Variants in DMD observed in about 807,000 individuals in gnomAD.
DMD encodes the protein mutant dystrophin.
A neutral mutation model predicts 330.1 loss-of-function variants in DMD; 63 were observed. That is an observed-to-expected ratio of 0.19 (90% CI 0.16 to 0.24). The LOEUF (loss-of-function observed/expected upper bound fraction) is 0.24, where lower values mean the gene tolerates loss of function less well. Among genes scored for constraint, DMD ranks in the 10% least tolerant of loss-of-function variants. The pLI is 1.00. For missense variants in DMD, 3,344 were observed against 2,684.1 expected, an observed-to-expected ratio of 1.25 and a Z score of -5.43; for synonymous variants, 1,223 against 959.8, an observed-to-expected ratio of 1.27 and a Z score of -5.07.
At chrX:31,350,626 TGTGTGTGAGAGAGA>T (rs769219240) in intron 60 of DMD, among the ~76,000 whole-genome samples, 115 of 48,267 alleles carry the variant, frequency 2.4e-3, no homozygotes, top group African/African-American at 9.3e-3. Context: ...TGTGTGTGTG[TGTGTGTGAGAGAGA>T]GAGAGAGAGA....
At chrX:31,445,577 G>A (rs66898423) in intron 59 of DMD, among the ~76,000 whole-genome samples, 6,439 of 111,392 alleles carry the variant, frequency 0.058, 282 homozygotes, top group African/African-American at 0.14. Flanking sequence ...TGCATACTTT[G>A]CACCAACCAC....
intron 55 of DMD, among the ~76,000 whole-genome samples, chrX:31,570,902 T>A (rs1400567930): frequency 8.9e-6 from 1 of 111,839 alleles, no homozygotes. Flanking sequence ...GATGTGACAA[T>A]GGTTAACCAT....
intron 12 of DMD, among the ~76,000 whole-genome samples, chrX:32,610,188 G>A (rs972003154): frequency 2.7e-5 from 3 of 110,760 alleles, no homozygotes; most frequent in African/African-American, 9.8e-5. Flanking sequence ...TGAGAGGTTC[G>A]ATTTGTTTAC....
At chrX:31,467,340 T>C (rs1401853427) in intron 59 of DMD, among the ~76,000 whole-genome samples, 1 of 111,701 alleles carries the variant, frequency 9.0e-6, no homozygotes, top group Non-Finnish European at 1.9e-5. Context: ...ATACGTTCCA[T>C]CAGTACCTAA....
chrX:33,163,539 AATATATATGTGTGTATATATATAT>A (rs2048877593), intron 1 of DMD, among the ~76,000 whole-genome samples: 1 of 99,026 alleles, frequency 1.0e-5, no homozygotes, highest in South Asian at 4.4e-4. Flanking sequence ...CCATCTCAAA[AATATATATGTGTGTATATATATAT>A]ATATATATAT....
chrX:31,694,420 A>C (rs1380245409), intron 52 of DMD, among the ~76,000 whole-genome samples: 2 of 109,063 alleles, frequency 1.8e-5, no homozygotes, highest in African/African-American at 6.7e-5. Context: ...AAAGCTTTGC[A>C]CAGCAAAGGA....
intron 7 of DMD, among the ~76,000 whole-genome samples, chrX:32,793,273 G>A (rs149147035): frequency 0.018 from 1,984 of 110,631 alleles, 45 homozygotes; most frequent in African/African-American, 0.062. Flanking sequence ...TAACACCTAC[G>A]GGATATGGCA....
intron 52 of DMD, among the ~76,000 whole-genome samples, chrX:31,726,094 T>C (rs1377233645): frequency 8.9e-6 from 1 of 112,211 alleles, no homozygotes; most frequent in Non-Finnish European, 1.9e-5. Context: ...ATTCGAATAT[T>C]AGAAAGAGGG....
chrX:33,090,850 A>G lies in DMD; in HGVS notation c.32-70650T>C, dbSNP rs761065868. The stretch of plus-strand genomic sequence containing the variant: ...AAAAAAAGCTTAAATCTTTCAGTCA[A>G]TGTTCATATATTATCCTCATAAGAA... On this transcript the variant is annotated intron_variant, in intron 1 of 78. Transcript: ENST00000357033. Among the ~76,000 whole-genome samples, 4 of 111,011 alleles carry G rather than the reference A, an allele frequency of 3.6e-5. No homozygotes were observed. The South Asian group carries it at 1.1e-3, about 31-fold the overall frequency.
chrX:33,005,627 A>G (rs1397080394), intron 2 of DMD, among the ~76,000 whole-genome samples: 1 of 109,776 alleles, frequency 9.1e-6, no homozygotes, highest in African/African-American at 3.3e-5. Context: ...AATATAAAAA[A>G]ATGAACAAAA....
chrX:33,135,508 T>G (rs1407324618), intron 1 of DMD, among the ~76,000 whole-genome samples: 1 of 112,452 alleles, frequency 8.9e-6, no homozygotes, highest in African/African-American at 3.2e-5. Flanking sequence ...TATATTTATA[T>G]GCAGACATAA....
At chrX:32,972,566 A>G (rs1308789252) in intron 2 of DMD, among the ~76,000 whole-genome samples, 3 of 112,154 alleles carry the variant, frequency 2.7e-5, no homozygotes, top group South Asian at 7.4e-4. Context: ...TTTATTGAAA[A>G]AAATTGATCA....
intron 11 of DMD, among the ~76,000 whole-genome samples, chrX:32,626,521 G>A (rs913909694): frequency 9.5e-6 from 1 of 105,015 alleles, no homozygotes; most frequent in Admixed American, 9.8e-5. Context: ...TAGCAAGGTG[G>A]TTCTTATAGA....
intron 1 of DMD, among the ~76,000 whole-genome samples, chrX:33,061,778 C>T (rs2094583820): frequency 9.0e-6 from 1 of 111,481 alleles, no homozygotes; most frequent in East Asian, 2.8e-4. Context: ...GTGGGAAACC[C>T]TGAGAATGGG....
chrX:31,208,402 T>C (rs1360399546), intron 65 of DMD, among the ~76,000 whole-genome samples: 3 of 112,155 alleles, frequency 2.7e-5, no homozygotes, highest in African/African-American at 9.7e-5. Context: ...AGAAGGAAGT[T>C]ATACATTCAG....
intron 1 of DMD, among the ~76,000 whole-genome samples, chrX:33,258,991 T>C (rs1283812935): frequency 9.0e-6 from 1 of 111,155 alleles, no homozygotes; most frequent in Non-Finnish European, 1.9e-5. Flanking sequence ...GTTAAATATA[T>C]GCAGAATGGG....
chrX:33,121,883 CTTTAT>C (rs1313251434), intron 1 of DMD, among the ~76,000 whole-genome samples: 3 of 111,870 alleles, frequency 2.7e-5, no homozygotes, highest in Admixed American at 9.5e-5. Flanking sequence ...ATGTGGTATA[CTTTAT>C]TTTTAGTTTG....
At chrX:31,268,505 C>T (rs1386289262) in intron 62 of DMD, among the ~76,000 whole-genome samples, 1 of 111,879 alleles carries the variant, frequency 8.9e-6, no homozygotes, top group Non-Finnish European at 1.9e-5. Context: ...CAATTTTAAG[C>T]TAGTGAGTTG....
intron 11 of DMD, among the ~76,000 whole-genome samples, chrX:32,630,323 AT>A (rs759927419): frequency 2.8e-3 from 293 of 105,255 alleles, no homozygotes; most frequent in Middle Eastern, 5.0e-3. Context: ...TTTCTATGTG[AT>A]TTTTTTTTTT....
Sources: allele counts gnomAD v4.1 joint callset (sites outside exome capture counted in the v4.1 genomes callset), GRCh38; gene constraint gnomAD v4.1.1; transcripts MANE v1.5; gene names NCBI Gene and HGNC (gene_info 2026-07-23, HGNC 2026-07-21).